CNST: variants seen among roughly 807,000 people sequenced by gnomAD.
CNST encodes consortin.
Under a neutral mutation model 72.4 loss-of-function variants are expected in CNST, and 39 were observed. The observed-to-expected ratio is 0.54, with a 90% CI of 0.42 to 0.70. CNST has a LOEUF of 0.70. Among genes scored for constraint, CNST ranks in the 30% least tolerant of loss-of-function variants. The probability of loss-of-function intolerance (pLI) is 0.00; values close to 1 mark genes in which losing one functional copy is unlikely to be tolerated. For synonymous variants in CNST, 332 were observed against 320.1 expected, an observed-to-expected ratio of 1.04 and a Z score of -0.40; for missense variants, 871 against 868.5, an observed-to-expected ratio of 1.00 and a Z score of -0.04.
At chr1:246,578,626 G>A (rs995651798) in intron 1 of CNST, among the ~76,000 whole-genome samples, 33 of 151,870 alleles carry the variant, frequency 2.2e-4, no homozygotes, top group Admixed American at 5.9e-4. Flanking sequence ...AGCCAATATC[G>A]TGCCACTGCA....
At chr1:246,610,462 C>T (rs557121543) in intron 2 of CNST, among the ~76,000 whole-genome samples, 12 of 152,138 alleles carry the variant, frequency 7.9e-5, no homozygotes, top group East Asian at 1.9e-4. Flanking sequence ...CGGCTTCTTC[C>T]GGGATGTTTT....
At chr1:246,570,205 A>G (rs1036555394) in intron 1 of CNST, among the ~76,000 whole-genome samples, 2 of 152,224 alleles carry the variant, frequency 1.3e-5, no homozygotes, top group African/African-American at 2.4e-5. Context: ...AGCAACTGAC[A>G]TACTGTCTCC....
At chr1:246,624,265 A>C (rs1046584220) in intron 3 of CNST, among the ~76,000 whole-genome samples, 1 of 152,194 alleles carries the variant, frequency 6.6e-6, no homozygotes, top group Non-Finnish European at 1.5e-5. Flanking sequence ...CTTTCACTGC[A>C]TTTGAACAGT....
chr1:246,573,764 G>T (rs1660207617), intron 1 of CNST, among the ~76,000 whole-genome samples: 1 of 152,210 alleles, frequency 6.6e-6, no homozygotes, highest in Admixed American at 6.5e-5. Context: ...TGTAACTAAA[G>T]CTTCCATGTA....
At chr1:246,656,163 CCTA>C (rs1343732645) in intron 9 of CNST, among the ~76,000 whole-genome samples, 1 of 152,098 alleles carries the variant, frequency 6.6e-6, no homozygotes, top group African/African-American at 2.4e-5. Context: ...TTGAGTGAAA[CCTA>C]TATCATTAAA....
chr1:246,659,059 T>G (rs1572254521), intron 9 of CNST, among the ~76,000 whole-genome samples: 1 of 151,844 alleles, frequency 6.6e-6, no homozygotes, highest in Non-Finnish European at 1.5e-5. Context: ...TATAAAGGGG[T>G]GGGGTGGGTG....
chr1:246,664,713 A>G (rs537314140), intron 10 of CNST, among the ~76,000 whole-genome samples: 3 of 152,288 alleles, frequency 2.0e-5, no homozygotes, highest in East Asian at 1.9e-4. Flanking sequence ...GGCGTGAGCC[A>G]CCACACCCAG....
chr1:246,626,665 C>T (rs1260483831), intron 3 of CNST, among the ~76,000 whole-genome samples: 71 of 151,978 alleles, frequency 4.7e-4, no homozygotes, highest in East Asian at 3.9e-4. Context: ...TCATGTTGGC[C>T]AGGCTGGTCT....
chr1:246,646,096 G>A (rs182766262), intron 8 of CNST, among the ~76,000 whole-genome samples: 151 of 151,864 alleles, frequency 9.9e-4, no homozygotes, highest in Non-Finnish European at 1.7e-3. Flanking sequence ...TGGCTAACAC[G>A]GTGAAACCCC....
At chr1:246,647,004 T>C in intron 8 of CNST, 135 bp from the exon 9 acceptor site, 1 of 770,422 alleles carries the variant, frequency 1.3e-6, no homozygotes, top group Non-Finnish European at 2.0e-6. Flanking sequence ...AAAGACACTA[T>C]TATGCAACAG....
intron 1 of CNST, among the ~76,000 whole-genome samples, chr1:246,578,622 T>TA (rs1465440397): frequency 6.6e-6 from 1 of 151,650 alleles, no homozygotes; most frequent in Non-Finnish European, 1.5e-5. Context: ...AGTGAGCCAA[T>TA]ATCGTGCCAC....
chr1:246,636,947 G>A lies in CNST; in HGVS notation c.818+2360G>A, dbSNP rs905587662. On this transcript the variant is annotated intron_variant, in intron 6 of 10. Transcript: ENST00000366513. ...GAAGGGCTGCTGTGGGCAGCAGGGC[G>A]GCTACTGACCGTATAAGGATCGTGG... Among the ~76,000 whole-genome samples the A allele has an allele frequency of 4.5e-4, 69 of 152,072 alleles. 4 individuals carry two copies. Among genetic ancestry groups the A allele is most frequent in the African/African-American group, 2.4e-5 (1 of 41,394 alleles).
intron 3 of CNST, among the ~76,000 whole-genome samples, chr1:246,623,802 C>T (rs1384774899): frequency 6.7e-6 from 1 of 150,142 alleles, no homozygotes; most frequent in East Asian, 2.0e-4. Context: ...GTAGCTCATA[C>T]CTGTAATGCA....
intron 1 of CNST, among the ~76,000 whole-genome samples, chr1:246,586,111 A>ATATGTGTG (rs777928408): frequency 6.8e-4 from 70 of 102,692 alleles, no homozygotes; most frequent in Middle Eastern, 9.5e-3. Context: ...ATATATATAT[A>ATATGTGTG]TGTGTGTGTG....
intron 1 of CNST, among the ~76,000 whole-genome samples, chr1:246,572,631 G>A (rs189598580): frequency 2.0e-3 from 311 of 152,218 alleles, no homozygotes; most frequent in African/African-American, 6.7e-3. Context: ...GATTATAGAC[G>A]TGAGCCACCA....
At chr1:246,658,938 C>T (rs1159007670) in intron 9 of CNST, among the ~76,000 whole-genome samples, 1 of 152,200 alleles carries the variant, frequency 6.6e-6, no homozygotes, top group East Asian at 1.9e-4. Flanking sequence ...CTTCCTGCAC[C>T]TTGGAGTCTG....
intron 9 of CNST, among the ~76,000 whole-genome samples, chr1:246,659,594 CAA>C (rs35795572): frequency 7.6e-4 from 95 of 124,310 alleles, no homozygotes; most frequent in African/African-American, 2.5e-3. Flanking sequence ...GACTCTGTCT[CAA>C]AAAAAAAAAA....
rs763937200 is a variant in CNST, at chr1:246,665,909, C to G, written c.*4C>G. On this transcript the variant is annotated 3_prime_UTR_variant, in exon 11 of 11. Coordinates refer to ENST00000366513, the MANE Select transcript of CNST (RefSeq NM_152609.3). ...GCACTGGATCTACCTCTCCTAGCAG[C>G]ATTCCAGACACAGACATGCTGGCAG... The G allele has an allele frequency of 1.9e-6, 3 of 1,592,692 alleles. No homozygotes were observed. In the East Asian group the frequency reaches 6.7e-5, roughly 36 times the overall value.
At chr1:246,634,342 CT>C in intron 5 of CNST, 130 bp from the exon 6 acceptor site, 1 of 593,606 alleles carries the variant, frequency 1.7e-6, no homozygotes, top group South Asian at 2.4e-5. Flanking sequence ...TTATTTCTAA[CT>C]GTTGGGTTGT....
Sources: allele counts gnomAD v4.1 joint callset (sites outside exome capture counted in the v4.1 genomes callset), GRCh38; gene constraint gnomAD v4.1.1; transcripts MANE v1.5; gene names NCBI Gene and HGNC (gene_info 2026-07-23, HGNC 2026-07-21).